Variants in PRH1 observed in about 807,000 individuals in gnomAD.
PRH1 encodes proline rich protein HaeIII subfamily 1.
PRH1 carries 7 observed loss-of-function variants against 7.9 expected under a neutral mutation model. The observed-to-expected ratio is 0.89, with a 90% confidence interval of 0.50 to 1.67. PRH1 has a LOEUF of 1.67. Among genes scored for constraint, PRH1 ranks in the 40% most tolerant of loss-of-function variants. The pLI is 0.00. For missense variants in PRH1, 109 were observed against 223.6 expected (o/e 0.49, Z 3.27); for synonymous variants, 45 against 80.8 (o/e 0.56, Z 2.38).
chr12:11,037,301 T>C (rs1288803612), intron 1 of PRH1, among the ~76,000 whole-genome samples: 3 of 152,232 alleles, frequency 2.0e-5, no homozygotes, highest in Non-Finnish European at 2.9e-5. Context: ...CATTTTACTA[T>C]AGCAGTCAAA....
intron 1 of PRH1, among the ~76,000 whole-genome samples, chr12:11,032,873 T>G (rs1329717943): frequency 1.3e-5 from 2 of 152,126 alleles, no homozygotes; most frequent in Admixed American, 1.3e-4. Flanking sequence ...ATTACTACAG[T>G]TTGCATAGAG....
Position 10,986,226 on chromosome 12 carries a change from T to C in PRH1, c.-125-12505A>G, listed in dbSNP as rs746305113. ...GCTGAGATCTTGCGATCCTTCTCCA[T>C]GGAGCTGCATCTTCTTGAGATGTTT... is the stretch of plus-strand genomic sequence containing the variant. On this transcript the variant is annotated intron_variant, in intron 1 of 3. Coordinates refer to the PRH1 transcript ENST00000539853. 1.3e-5 allele frequency: 21 copies of C among 1,614,026 alleles called. No homozygotes were observed. The highest frequency in any genetic ancestry group is 5.0e-5 in the Admixed American group (3 of 59,998).
intron 1 of PRH1, among the ~76,000 whole-genome samples, chr12:11,004,478 C>T (rs1014142220): frequency 1.3e-5 from 2 of 152,086 alleles, no homozygotes; most frequent in Non-Finnish European, 2.9e-5. Flanking sequence ...GCACTCCAAC[C>T]TAGACCACGA....
intron 1 of PRH1, chr12:11,022,504 G>C: frequency 1.9e-6 from 3 of 1,613,762 alleles, no homozygotes; most frequent in Non-Finnish European, 2.5e-6. Context: ...GAAGCCATTG[G>C]CAACATTTCC....
rs962328527 is a variant in PRH1 at position 11,134,359 on chromosome 12, C to A, written n.40-13179G>T. 2.8e-5 allele frequency: 34 copies of A among 1,203,588 alleles called. 1 individual carries two copies. Among genetic ancestry groups the A allele is most frequent in the Non-Finnish European group, 3.4e-6 (3 of 879,308 alleles). The allele number at this position is 1,203,588 out of a possible 1,614,324, so 74.6% of individuals were successfully genotyped here. A position where few individuals can be genotyped will look rare whatever the true frequency, so the allele number is the denominator to read the frequency against. ...CACCTGATTTGTGTATGTGCTGTGA[C>A]ATTCTTTTTACTTTTAATTGCTGTG... On this transcript the variant is annotated intron_variant and non_coding_transcript_variant, in intron 1 of 1. Coordinates refer to the PRH1 transcript ENST00000541175.
chr12:10,992,864 C>T (rs10845276), intron 1 of PRH1, among the ~76,000 whole-genome samples: 46,354 of 152,084 alleles, frequency 0.3, 8,934 homozygotes, highest in East Asian at 0.74. Flanking sequence ...CACATTGCTT[C>T]CAGACCTGTA....
intron 1 of PRH1, among the ~76,000 whole-genome samples, chr12:11,152,058 TTC>T (rs1947111309): frequency 6.6e-6 from 1 of 152,042 alleles, no homozygotes; most frequent in Non-Finnish European, 1.5e-5. Context: ...TTCTTTATTT[TTC>T]TTTTTCCATT....
intron 2 of PRH1, among the ~76,000 whole-genome samples, chr12:10,892,735 A>G (rs1949592778): frequency 6.6e-6 from 1 of 152,232 alleles, no homozygotes; most frequent in African/African-American, 2.4e-5. Flanking sequence ...ACAGTACCCT[A>G]TAAACAAGAA....
chr12:11,012,024 T>G (rs932344077), intron 1 of PRH1, among the ~76,000 whole-genome samples: 1 of 152,160 alleles, frequency 6.6e-6, no homozygotes, highest in Non-Finnish European at 1.5e-5. Context: ...GAGTAAGTCA[T>G]TTTCTTGAGT....
At chr12:10,995,819 T>G (rs1940198755) in intron 1 of PRH1, among the ~76,000 whole-genome samples, 1 of 152,142 alleles carries the variant, frequency 6.6e-6, no homozygotes, top group Non-Finnish European at 1.5e-5. Flanking sequence ...TATGGAAACT[T>G]ATAACAGCAC....
intron 2 of PRH1, among the ~76,000 whole-genome samples, chr12:10,916,473 C>T (rs536889132): frequency 1.3e-5 from 2 of 151,986 alleles, no homozygotes; most frequent in African/African-American, 4.8e-5. Context: ...TTATATTCTT[C>T]CCCCAACTCA....
At chr12:10,985,981 A>T in intron 1 of PRH1, 1 of 1,612,200 alleles carries the variant, frequency 6.2e-7, no homozygotes, top group Non-Finnish European at 8.5e-7. Context: ...ATCTGACACA[A>T]AATCAAAAGA....
intron 2 of PRH1, among the ~76,000 whole-genome samples, chr12:10,924,795 G>A (rs1351311285): frequency 4.6e-5 from 7 of 152,110 alleles, no homozygotes; most frequent in African/African-American, 1.7e-4. Flanking sequence ...GCATAGAGGT[G>A]TTTATAGTTT....
chr12:10,966,726 G>A (rs1299446174), intron 2 of PRH1, among the ~76,000 whole-genome samples: 3 of 152,180 alleles, frequency 2.0e-5, no homozygotes, highest in African/African-American at 4.8e-5. Context: ...AAAACCAAGC[G>A]TGTGGGAAAT....
intron 1 of PRH1, among the ~76,000 whole-genome samples, chr12:11,142,827 TA>T: frequency 6.6e-6 from 1 of 152,302 alleles, no homozygotes; most frequent in Middle Eastern, 3.4e-3. Flanking sequence ...AAAAAACTTT[TA>T]GCCCAGAATA....
chr12:10,939,788 A>G (rs1030704522), intron 2 of PRH1, among the ~76,000 whole-genome samples: 1 of 152,116 alleles, frequency 6.6e-6, no homozygotes, highest in Non-Finnish European at 1.5e-5. Flanking sequence ...AGCATTGTGA[A>G]TATGGTTAAT....
At chr12:11,161,388 G>T (rs1947408664) in intron 1 of PRH1, among the ~76,000 whole-genome samples, 1 of 152,208 alleles carries the variant, frequency 6.6e-6, no homozygotes, top group Non-Finnish European at 1.5e-5. Context: ...AGAGGATTTG[G>T]ATAGTGAAGG....
chr12:11,049,210 G>A, upstream of PRH1: 1 of 1,205,472 alleles, frequency 8.3e-7, no homozygotes, highest in Non-Finnish European at 1.1e-6. Context: ...AAGAACAAAT[G>A]CAAACACTAC....
intron 1 of PRH1, among the ~76,000 whole-genome samples, chr12:11,101,451 G>C (rs1168424575): frequency 6.6e-6 from 1 of 152,004 alleles, no homozygotes; most frequent in Non-Finnish European, 1.5e-5. Context: ...GATTGTTCTT[G>C]TGCACTCCAG....
Sources: gnomAD v4.1 joint callset for allele counts (sites outside exome capture counted in the v4.1 genomes callset) on GRCh38, gnomAD v4.1.1 for gene constraint, MANE v1.5 for transcripts, NCBI Gene and HGNC (gene_info 2026-07-23, HGNC 2026-07-21) for gene names.